CFAP47: variants seen among roughly 807,000 people sequenced by gnomAD.
CFAP47 encodes the protein cilia and flagella associated protein 47, also known as cilia- and flagella-associated protein 47.
In CFAP47, 29 loss-of-function variants were observed where a neutral mutation model predicts 148.1. The observed-to-expected ratio is 0.20, with a 90% CI of 0.15 to 0.27. The LOEUF is 0.27. Ranked by LOEUF, CFAP47 falls within the 10% of genes least tolerant of loss-of-function variation. The pLI, the probability that CFAP47 is intolerant of heterozygous loss-of-function variation, is 1.00. For synonymous variants in CFAP47, 664 were observed against 577.3 expected, an observed-to-expected ratio of 1.15 and a Z score of -2.15; for missense variants, 1,872 against 1,697.5, an observed-to-expected ratio of 1.10 and a Z score of -1.81.
intron 57 of CFAP47, among the ~76,000 whole-genome samples, chrX:36,322,702 T>G (rs1333357406): frequency 9.0e-6 from 1 of 111,129 alleles, no homozygotes; most frequent in Admixed American, 9.7e-5. Context: ...TAAACCAGTT[T>G]CTTGGTGAAT....
At chrX:35,976,859 G>A (rs949804052) in intron 15 of CFAP47, among the ~76,000 whole-genome samples, 8 of 111,193 alleles carry the variant, frequency 7.2e-5, no homozygotes, top group Non-Finnish European at 1.1e-4. Flanking sequence ...CATTTTTGAC[G>A]TGCCCTGTAT....
intron 49 of CFAP47, among the ~76,000 whole-genome samples, chrX:36,264,954 G>T (rs1940872951): frequency 8.9e-6 from 1 of 112,084 alleles, no homozygotes; most frequent in African/African-American, 3.2e-5. Flanking sequence ...GAAAAATGTT[G>T]TTGAGAGTTT....
rs149229689 is a variant in CFAP47 at position 36,200,360 on chromosome X, A to G, written c.6322-19A>G. Reference sequence around the variant, plus strand: ...ATGAGAGATTTTGAAATTTAATACTATAATGTCTTGTGTTTTAGATTGGAC... The same window carrying G: ...ATGAGAGATTTTGAAATTTAATACTGTAATGTCTTGTGTTTTAGATTGGAC... On this transcript the variant is annotated intron_variant, in intron 42 of 63. Transcript: ENST00000378653. 2.3e-3 allele frequency: 687 copies of G among 294,862 alleles called. 6 individuals carry two copies. The highest frequency in any genetic ancestry group is 0.011 in the East Asian group (232 of 20,941). 24.3% of individuals were successfully genotyped at this position (294,862 alleles called of 1,213,427 possible). A position where few individuals can be genotyped will look rare whatever the true frequency, so the allele number is the denominator to read the frequency against.
intron 8 of CFAP47, among the ~76,000 whole-genome samples, chrX:35,959,751 C>T (rs1395835325): frequency 3.8e-5 from 4 of 105,722 alleles, no homozygotes; most frequent in South Asian, 4.4e-4. Flanking sequence ...AGGTTGCGCA[C>T]GCTTGTAATC....
intron 50 of CFAP47, among the ~76,000 whole-genome samples, chrX:36,281,821 T>G (rs1941081942): frequency 9.0e-6 from 1 of 111,326 alleles, no homozygotes; most frequent in African/African-American, 3.3e-5. Flanking sequence ...GGAAGAGAAG[T>G]TGGGCCAGTT....
intron 40 of CFAP47, among the ~76,000 whole-genome samples, chrX:36,184,364 G>T: frequency 9.0e-6 from 1 of 111,224 alleles, no homozygotes. Context: ...AATGGGTAGG[G>T]GCATGCAAGG....
chrX:35,950,330 T>TG (rs1936144812), intron 4 of CFAP47, among the ~76,000 whole-genome samples: 1 of 111,741 alleles, frequency 8.9e-6, no homozygotes, highest in African/African-American at 3.3e-5. Context: ...GTGAAGTTAA[T>TG]GGGGAAATGT....
At chrX:35,999,880 T>C (rs1936893966) in intron 19 of CFAP47, among the ~76,000 whole-genome samples, 1 of 111,999 alleles carries the variant, frequency 8.9e-6, no homozygotes, top group African/African-American at 3.2e-5. Context: ...GCCCTGCTAA[T>C]GAGCTTGGAC....
intron 33 of CFAP47, among the ~76,000 whole-genome samples, chrX:36,132,731 C>T (rs1938970517): frequency 9.0e-6 from 1 of 111,591 alleles, no homozygotes; most frequent in Admixed American, 9.6e-5. Context: ...ACATCATCGC[C>T]TTGGAAGAAT....
At chrX:36,376,930 CG>C (rs1173572830) in intron 62 of CFAP47, among the ~76,000 whole-genome samples, 2 of 110,046 alleles carry the variant, frequency 1.8e-5, no homozygotes, top group Non-Finnish European at 3.8e-5. Flanking sequence ...TAGCTTCATC[CG>C]TGTCCCTACA....
chrX:36,309,045 C>A (rs1556009415), intron 55 of CFAP47, among the ~76,000 whole-genome samples: 1 of 111,311 alleles, frequency 9.0e-6, no homozygotes, highest in Non-Finnish European at 1.9e-5. Context: ...TACTACATAA[C>A]AGAATAAGAG....
chrX:36,025,510 G>A lies in CFAP47; in HGVS notation c.3557-5743G>A, dbSNP rs146742894. ...AAAAAAAGTAGTTGAATGTGGTGAC[G>A]CATATCTGTAGACCCAGCTACTCAG... On this transcript the variant is annotated intron_variant, in intron 22 of 63. Transcript: ENST00000378653. 7.2e-5 allele frequency among the ~76,000 whole-genome samples: 8 copies of A among 110,538 alleles called. No homozygotes were observed. The East Asian group carries it at 2.3e-3, about 32-fold the overall frequency.
chrX:36,258,178 G>A (rs1940776534), intron 49 of CFAP47, among the ~76,000 whole-genome samples: 1 of 111,983 alleles, frequency 8.9e-6, no homozygotes, highest in Non-Finnish European at 1.9e-5. Context: ...ACACTGGAAT[G>A]GGATCTTTTT....
At chrX:36,302,631 G>A (rs1941308402) in intron 53 of CFAP47, among the ~76,000 whole-genome samples, 1 of 112,090 alleles carries the variant, frequency 8.9e-6, no homozygotes, top group Non-Finnish European at 1.9e-5. Context: ...AAAGAATGAA[G>A]ATGACAAGCT....
chrX:36,266,938 T>C (rs782530658), intron 49 of CFAP47, among the ~76,000 whole-genome samples: 1 of 110,956 alleles, frequency 9.0e-6, no homozygotes, highest in Non-Finnish European at 1.9e-5. Flanking sequence ...CTGGGCCCTC[T>C]CTTCAACCTC....
At chrX:36,201,763 C>T (rs1939982971) in intron 44 of CFAP47, among the ~76,000 whole-genome samples, 1 of 110,981 alleles carries the variant, frequency 9.0e-6, no homozygotes, top group African/African-American at 3.3e-5. Context: ...CTTCTGTTTG[C>T]ACATTAGAGT....
chrX:36,065,836 T>C, intron 27 of CFAP47, 93 bp downstream of exon 27: 1 of 480,816 alleles, frequency 2.1e-6, no homozygotes, highest in Non-Finnish European at 3.5e-6. Flanking sequence ...TTATCAGTTG[T>C]TTATTAAACA....
In CFAP47 at chrX:36,088,503, T is replaced by A. The variant is rs57782573; in HGVS notation, c.4916+2965T>A. ...AAGAGGAAGAGATGCCAGATCTCTC[T>A]CTCTTCTCTTCTCTCTCTCTCTCTC... On this transcript the variant is annotated intron_variant, in intron 30 of 63. Coordinates refer to ENST00000378653, the MANE Select transcript of CFAP47 (RefSeq NM_001304548.2). 3.4e-3 allele frequency among the ~76,000 whole-genome samples: 375 copies of A among 110,819 alleles called. 1 individual carries two copies. Among genetic ancestry groups the A allele is most frequent in the African/African-American group, 0.012 (358 of 30,594 alleles).
At chrX:35,998,017 G>A (rs12388605) in intron 19 of CFAP47, among the ~76,000 whole-genome samples, 8,751 of 110,619 alleles carry the variant, frequency 0.079, 871 homozygotes, top group African/African-American at 0.27. Flanking sequence ...ACACATACAA[G>A]AGGTTCTCTC....
Sources: allele counts gnomAD v4.1 joint callset (sites outside exome capture counted in the v4.1 genomes callset), GRCh38; gene constraint gnomAD v4.1.1; transcripts MANE v1.5; gene names NCBI Gene and HGNC (gene_info 2026-07-23, HGNC 2026-07-21).